Variants in TSGA10 observed in about 807,000 individuals in gnomAD.
TSGA10 encodes testis specific 10, also known as testis-specific gene 10 protein.
Under a neutral mutation model 96.6 loss-of-function variants are expected in TSGA10, and 43 were observed. That is an observed-to-expected ratio of 0.44 (90% CI 0.35 to 0.57). TSGA10 has a LOEUF of 0.57. TSGA10 is among the 20% of genes least tolerant of loss of function. The pLI is 0.01. For synonymous variants in TSGA10, 229 were observed against 269.9 expected (o/e 0.85, Z 1.48); for missense variants, 703 against 834.4 (o/e 0.84, Z 1.94).
In TSGA10 at chr2:99,020,346, G is replaced by A; in HGVS notation, c.1751C>T (p.Ala584Val). 6.2e-7 allele frequency: 1 copy of A among 1,613,776 alleles called. No homozygotes were observed. Among genetic ancestry groups the A allele is most frequent in the East Asian group, 2.2e-5 (1 of 44,820 alleles). ...AATTTCAGATTCTTTTTCTTGAAGT[G>A]CTATCTGAGACTGATATTCTTTGTC... ...NRDKEYQSQI[A>V]LQEKESEIQL... The change falls in exon 18 of 21, where the codon GCA (alanine) becomes GTA (valine). Residue 584 changes from alanine to valine, a missense_variant. Ala to Val is a moderately conservative substitution (Grantham distance 64). Around this residue, in one of 3 missense-constraint regions of TSGA10, gnomAD observed 49 missense variants for 96.4 expected, o/e 0.51. Coordinates refer to ENST00000393483, the MANE Select transcript of TSGA10 (RefSeq NM_025244.4).
At chr2:99,073,514 GTTT>G (rs1040667702) in intron 12 of TSGA10, among the ~76,000 whole-genome samples, 4 of 152,210 alleles carry the variant, frequency 2.6e-5, no homozygotes, top group Admixed American at 2.6e-4. Context: ...CCTAAATTTA[GTTT>G]TTAAGAATAA....
chr2:99,012,585 G>C (rs1484527150), intron 20 of TSGA10, among the ~76,000 whole-genome samples: 1 of 152,002 alleles, frequency 6.6e-6, no homozygotes, highest in Non-Finnish European at 1.5e-5. Context: ...AAGAAAAAGA[G>C]GGACATTATA....
At chr2:99,103,790 A>G (rs1245029295) in intron 10 of TSGA10, among the ~76,000 whole-genome samples, 177 bp downstream of exon 10, 1 of 152,224 alleles carries the variant, frequency 6.6e-6, no homozygotes, top group Non-Finnish European at 1.5e-5. Flanking sequence ...TGGCATTACC[A>G]GCCTGTGATT....
At chr2:99,008,130 C>G (rs544971024) in intron 20 of TSGA10, among the ~76,000 whole-genome samples, 25 of 152,080 alleles carry the variant, frequency 1.6e-4, no homozygotes, top group Non-Finnish European at 2.9e-4. Flanking sequence ...CCTCTACTAT[C>G]TGGGGAGAGA....
chr2:99,110,096 C>T (rs1162258204), intron 5 of TSGA10, among the ~76,000 whole-genome samples: 4 of 152,132 alleles, frequency 2.6e-5, no homozygotes, highest in Admixed American at 2.6e-4. Flanking sequence ...ACCCGGGAGG[C>T]GGAGGTTGTG....
intron 17 of TSGA10, among the ~76,000 whole-genome samples, chr2:99,022,780 C>T (rs1177735778): frequency 1.3e-5 from 2 of 152,110 alleles, no homozygotes; most frequent in African/African-American, 4.8e-5. Context: ...TACAAAGTTG[C>T]CTTACTATTT....
chr2:99,073,286 C>A (rs1347557870), intron 12 of TSGA10, among the ~76,000 whole-genome samples: 9 of 152,100 alleles, frequency 5.9e-5, no homozygotes, highest in African/African-American at 1.7e-4. Flanking sequence ...AAAGTAAAGG[C>A]TATACTTAGG....
At chr2:99,017,590 C>G (rs2079622272) in intron 20 of TSGA10, among the ~76,000 whole-genome samples, 1 of 151,646 alleles carries the variant, frequency 6.6e-6, no homozygotes, top group African/African-American at 2.4e-5. Context: ...ACGGTGAAAC[C>G]CCGTCTCTAC....
rs191326205 is a variant in TSGA10, at chr2:99,025,644, G to C, written c.1615-5162C>G. Among the ~76,000 whole-genome samples, 3 of 152,098 alleles carry C rather than the reference G, an allele frequency of 2.0e-5. No homozygotes were observed. In the East Asian group the frequency reaches 5.8e-4, roughly 29 times the overall value. Reference sequence around the variant, plus strand: ...ATTCTTCTTGCTGTGGGTTTAGTTTGTTCCCTTTTTCCAGTGTTCTAAGTG... The same window carrying C: ...ATTCTTCTTGCTGTGGGTTTAGTTTCTTCCCTTTTTCCAGTGTTCTAAGTG... On this transcript the variant is annotated intron_variant, in intron 17 of 20. Coordinates refer to ENST00000393483, the MANE Select transcript of TSGA10 (RefSeq NM_025244.4).
intron 20 of TSGA10, among the ~76,000 whole-genome samples, chr2:99,008,594 T>C (rs2078702220): frequency 6.6e-6 from 1 of 152,212 alleles, no homozygotes; most frequent in African/African-American, 2.4e-5. Context: ...CTGAAGGGAC[T>C]GCAAAATGGA....
chr2:99,127,320 T>C, intron 1 of TSGA10, 144 bp from the exon 2 acceptor site: 4 of 659,670 alleles, frequency 6.1e-6, no homozygotes, highest in Non-Finnish European at 6.2e-6. Context: ...TTCATCAAAC[T>C]TTACCTTCTT....
At chr2:99,061,409 G>A (rs2084672223) in intron 16 of TSGA10, among the ~76,000 whole-genome samples, 1 of 152,180 alleles carries the variant, frequency 6.6e-6, no homozygotes, top group African/African-American at 2.4e-5. Context: ...AAGCGGGAGT[G>A]TAAACTGATA....
intron 20 of TSGA10, among the ~76,000 whole-genome samples, chr2:99,002,469 A>G (rs1336806690): frequency 2.0e-5 from 3 of 152,238 alleles, no homozygotes; most frequent in Non-Finnish European, 4.4e-5. Flanking sequence ...CTGCCCTAAA[A>G]GAGCTCCTGA....
intron 17 of TSGA10, among the ~76,000 whole-genome samples, chr2:99,032,359 A>G (rs897979977): frequency 3.3e-5 from 5 of 152,344 alleles, no homozygotes; most frequent in African/African-American, 1.2e-4. Flanking sequence ...AACAAAAGGA[A>G]CGCTGCATTT....
intron 16 of TSGA10, among the ~76,000 whole-genome samples, chr2:99,045,107 C>T (rs1372750539): frequency 6.6e-6 from 1 of 152,048 alleles, no homozygotes; most frequent in Non-Finnish European, 1.5e-5. Context: ...ACCCTAACAT[C>T]ACAATTAAAA....
intron 2 of TSGA10, among the ~76,000 whole-genome samples, chr2:99,122,898 C>T (rs1183916423): frequency 6.6e-6 from 1 of 152,042 alleles, no homozygotes; most frequent in Non-Finnish European, 1.5e-5. Context: ...TTATCACTTC[C>T]TTTCTGGTTA....
chr2:99,016,939 AC>A (rs1397359914), intron 20 of TSGA10, among the ~76,000 whole-genome samples: 1 of 152,214 alleles, frequency 6.6e-6, no homozygotes, highest in East Asian at 1.9e-4. Flanking sequence ...GCAAATTAAT[AC>A]CACAATGAGA....
chr2:99,005,612 A>G (rs567581338), intron 20 of TSGA10, among the ~76,000 whole-genome samples: 2 of 152,228 alleles, frequency 1.3e-5, no homozygotes, highest in Non-Finnish European at 2.9e-5. Context: ...TTCAAGGACA[A>G]CTACAAACCA....
intron 14 of TSGA10, 147 bp downstream of exon 14, chr2:99,071,559 T>A (rs1331572114): frequency 3.2e-6 from 2 of 625,920 alleles, no homozygotes; most frequent in East Asian, 3.0e-5. Context: ...CATTTAAAAA[T>A]TATGTGGCCT....
Sources: allele counts gnomAD v4.1 joint callset (sites outside exome capture counted in the v4.1 genomes callset), GRCh38; gene constraint gnomAD v4.1.1; regional missense constraint gnomAD v4.1.1; transcripts MANE v1.5; gene names NCBI Gene and HGNC (gene_info 2026-07-23, HGNC 2026-07-21).